Variants in ZNF782 observed in about 807,000 individuals in gnomAD.
The protein encoded by ZNF782 is zinc finger protein 782.
In ZNF782, 12 loss-of-function variants were observed where a neutral mutation model predicts 13.0. The observed-to-expected ratio is 0.92, with a 90% CI of 0.59 to 1.50. ZNF782 has a LOEUF of 1.50. ZNF782 is among the 40% of genes most tolerant of loss of function. The pLI is 0.00. For synonymous variants in ZNF782, 284 were observed against 283.0 expected (o/e 1.00, Z -0.04); for missense variants, 770 against 822.9 (o/e 0.94, Z 0.79).
chr9:96,910,045 C>A, the ZNF782 span: 12 of 568,904 alleles, frequency 2.1e-5, no homozygotes, highest in East Asian at 5.0e-5. Flanking sequence ...TCTTTTTAAT[C>A]CCCTGCATCA....
chr9:96,834,776 A>G (rs1850932350), intron 4 of ZNF782, among the ~76,000 whole-genome samples: 1 of 152,204 alleles, frequency 6.6e-6, no homozygotes, highest in African/African-American at 2.4e-5. Flanking sequence ...GGTACCAAGG[A>G]GTGGGTTGTT....
At chr9:96,930,534 AAAAAG>A in the ZNF782 span, among the ~76,000 whole-genome samples, 1 of 147,886 alleles carries the variant, frequency 6.8e-6, no homozygotes, top group African/African-American at 2.5e-5. Context: ...AAAAAAAAAA[AAAAAG>A]AAAAAAAAGA....
At chr9:96,883,496 C>T in the ZNF782 span, among the ~76,000 whole-genome samples, 1 of 151,816 alleles carries the variant, frequency 6.6e-6, no homozygotes, top group African/African-American at 2.4e-5. Context: ...ATAGGGACAA[C>T]AAAGGTGACA....
intron 1 of ZNF782, among the ~76,000 whole-genome samples, chr9:96,871,432 T>G (rs1851827266): frequency 6.6e-6 from 1 of 152,224 alleles, no homozygotes; most frequent in Non-Finnish European, 1.5e-5. Context: ...CAGCTGGGAC[T>G]ATAGGTGTGT....
intron 4 of ZNF782, among the ~76,000 whole-genome samples, chr9:96,828,065 T>C (rs896121489): frequency 1.3e-5 from 2 of 152,150 alleles, no homozygotes; most frequent in African/African-American, 2.4e-5. Context: ...ATGTTGGAGA[T>C]CTGCAGAAGG....
chr9:96,906,009 G>C, the ZNF782 span, among the ~76,000 whole-genome samples: 1 of 152,218 alleles, frequency 6.6e-6, no homozygotes, highest in African/African-American at 2.4e-5. Flanking sequence ...TGGTAACACT[G>C]CTGAGAATAT....
the ZNF782 span, among the ~76,000 whole-genome samples, chr9:96,883,111 G>C: frequency 6.6e-6 from 1 of 152,100 alleles, no homozygotes; most frequent in Admixed American, 6.5e-5. Flanking sequence ...ATTAAAAAAA[G>C]GAAAGACAAA....
At chr9:96,832,661 T>C (rs893723641) in intron 4 of ZNF782, among the ~76,000 whole-genome samples, 6 of 152,314 alleles carry the variant, frequency 3.9e-5, no homozygotes, top group Admixed American at 1.3e-4. Flanking sequence ...GTGTTCTCTG[T>C]GGTTTCTAAT....
chr9:96,858,618 G>C (rs1851671148), upstream of ZNF782, among the ~76,000 whole-genome samples: 1 of 152,178 alleles, frequency 6.6e-6, no homozygotes, highest in Admixed American at 6.5e-5. This position sits in a 1 kb window ranked among gnomAD's most constrained non-coding sequence, Gnocchi z 4.4. Context: ...CAGTGAGAAT[G>C]GCTTTGTGGG....
chr9:96,898,717 T>C, the ZNF782 span, among the ~76,000 whole-genome samples: 2 of 144,212 alleles, frequency 1.4e-5, no homozygotes, highest in Non-Finnish European at 3.0e-5. Flanking sequence ...CGGCTAATTT[T>C]TGTATTTTTA....
the ZNF782 span, among the ~76,000 whole-genome samples, chr9:96,912,198 GA>G: frequency 0.15 from 8,282 of 56,622 alleles, 149 homozygotes; most frequent in East Asian, 0.41. Context: ...ACTCCGTCTC[GA>G]AAAAAAAAAA....
At chr9:96,836,515 G>T (rs1851009072) in intron 4 of ZNF782, among the ~76,000 whole-genome samples, 1 of 152,096 alleles carries the variant, frequency 6.6e-6, no homozygotes, top group Non-Finnish European at 1.5e-5. Flanking sequence ...ACTTATTTTT[G>T]ATTTTACAGG....
chr9:96,821,811 C>A (rs1212909540), intron 5 of ZNF782, among the ~76,000 whole-genome samples: 1 of 151,860 alleles, frequency 6.6e-6, no homozygotes, highest in Non-Finnish European at 1.5e-5. Context: ...ACTACAGGTG[C>A]CCACCACCAT....
chr9:96,863,152 A>G (rs1851722110), intron 1 of ZNF782, among the ~76,000 whole-genome samples: 1 of 152,240 alleles, frequency 6.6e-6, no homozygotes, highest in Non-Finnish European at 1.5e-5. Flanking sequence ...TTGATTATTT[A>G]TAATGGTCTC....
upstream of ZNF782, among the ~76,000 whole-genome samples, chr9:96,876,662 G>T (rs1307223729): frequency 6.6e-6 from 1 of 152,008 alleles, no homozygotes; most frequent in Non-Finnish European, 1.5e-5. Context: ...TTCAGGAAAG[G>T]GGAACAAAAG....
At chr9:96,879,892 C>T (rs2118907348), upstream of ZNF782, among the ~76,000 whole-genome samples, 1 of 151,778 alleles carries the variant, frequency 6.6e-6, no homozygotes, top group Admixed American at 6.6e-5. Flanking sequence ...TTTGTAGATT[C>T]CTTGGGATTT....
At chr9:96,861,122 G>T (rs2118860254) in intron 2 of ZNF782, among the ~76,000 whole-genome samples, 1 of 152,170 alleles carries the variant, frequency 6.6e-6, no homozygotes, top group Admixed American at 6.5e-5. Flanking sequence ...TTAAATCAAA[G>T]ACCTCAAATA....
intron 1 of ZNF782, among the ~76,000 whole-genome samples, chr9:96,864,711 A>T (rs1210763528): frequency 6.6e-6 from 1 of 152,014 alleles, no homozygotes; most frequent in Non-Finnish European, 1.5e-5. Context: ...AAGTGGTAAG[A>T]TTACTCTAGT....
intron 4 of ZNF782, among the ~76,000 whole-genome samples, chr9:96,831,159 G>C (rs536897066): frequency 2.0e-5 from 3 of 152,176 alleles, no homozygotes; most frequent in African/African-American, 7.2e-5. Context: ...AGCTTACCAA[G>C]TTAGTGACTG....
Sources: gnomAD v4.1 joint callset for allele counts (sites outside exome capture counted in the v4.1 genomes callset) on GRCh38, gnomAD v4.1.1 for gene constraint, Gnocchi (gnomAD v3.1) non-coding constraint, MANE v1.5 for transcripts, NCBI Gene and HGNC (gene_info 2026-07-23, HGNC 2026-07-21) for gene names.